Variants in DAPK2 observed in about 807,000 individuals in gnomAD.
DAPK2 encodes the protein death-associated protein kinase 2.
A neutral mutation model predicts 44.1 loss-of-function variants in DAPK2; 35 were observed. The observed-to-expected ratio is 0.79, with a 90% CI of 0.61 to 1.05. The LOEUF (loss-of-function observed/expected upper bound fraction) is 1.05, where lower values mean the gene tolerates loss of function less well. Among genes scored for constraint, DAPK2 ranks in the 50% least tolerant of loss-of-function variants. The probability of loss-of-function intolerance (pLI) is 0.00; values close to 1 mark genes in which losing one functional copy is unlikely to be tolerated. For missense variants in DAPK2, 453 were observed against 483.2 expected, an observed-to-expected ratio of 0.94 and a Z score of 0.59; for synonymous variants, 174 against 182.6, an observed-to-expected ratio of 0.95 and a Z score of 0.38.
At chr15:64,005,705 G>C (rs1027831090) in intron 1 of DAPK2, among the ~76,000 whole-genome samples, 2 of 152,064 alleles carry the variant, frequency 1.3e-5, no homozygotes, top group African/African-American at 4.8e-5. Flanking sequence ...GACTAGATCT[G>C]GGAGAAGAAC....
intron 1 of DAPK2, among the ~76,000 whole-genome samples, chr15:63,986,875 T>G (rs1262517037): frequency 7.2e-6 from 1 of 139,480 alleles, no homozygotes; most frequent in Non-Finnish European, 1.6e-5. Flanking sequence ...AACAGCTTTC[T>G]GATTATCTCC....
At chr15:64,002,941 T>TC (rs2079122645) in intron 1 of DAPK2, among the ~76,000 whole-genome samples, 1 of 132,752 alleles carries the variant, frequency 7.5e-6, no homozygotes, top group Non-Finnish European at 1.6e-5. Flanking sequence ...TGTGTGTGTG[T>TC]GTGTGTGTGT....
intron 6 of DAPK2, among the ~76,000 whole-genome samples, chr15:63,929,007 T>C (rs2079414292): frequency 6.6e-6 from 1 of 151,986 alleles, no homozygotes; most frequent in Non-Finnish European, 1.5e-5. Context: ...TCAAGACCAG[T>C]CTGGCCAACA....
chr15:63,922,633 A>T (rs563664932), intron 8 of DAPK2: 1 of 1,436,792 alleles, frequency 7.0e-7, no homozygotes, highest in East Asian at 2.5e-5. Flanking sequence ...TACTACAGAC[A>T]CACACCCCTG....
At chr15:64,000,662 T>TG (rs901778335) in intron 1 of DAPK2, among the ~76,000 whole-genome samples, 3 of 151,864 alleles carry the variant, frequency 2.0e-5, no homozygotes, top group Non-Finnish European at 4.4e-5. Context: ...GGCATGATGC[T>TG]GGGGGTGGGG....
chr15:63,922,125 T>C (rs1286485822), intron 8 of DAPK2: 5 of 219,472 alleles, frequency 2.3e-5, no homozygotes, highest in Non-Finnish European at 3.1e-5. Flanking sequence ...GTCAATTTTC[T>C]CATCAGTTAC....
chr15:64,003,619 T>C (rs1282550669), intron 1 of DAPK2, among the ~76,000 whole-genome samples: 1 of 152,206 alleles, frequency 6.6e-6, no homozygotes, highest in Non-Finnish European at 1.5e-5. Flanking sequence ...ACTTTTCTTT[T>C]CCTTCTGACA....
At chr15:63,972,758 T>A (rs990344624) in intron 2 of DAPK2, among the ~76,000 whole-genome samples, 1 of 152,182 alleles carries the variant, frequency 6.6e-6, no homozygotes, top group Admixed American at 6.5e-5. Context: ...GACAAAATTG[T>A]TACTCAAAGG....
chr15:64,003,747 T>C (rs539712437), intron 1 of DAPK2, among the ~76,000 whole-genome samples: 9 of 152,138 alleles, frequency 5.9e-5, no homozygotes, highest in Non-Finnish European at 1.2e-4. Flanking sequence ...CTGGGATTAC[T>C]GGTGTGTGCC....
intron 2 of DAPK2, among the ~76,000 whole-genome samples, chr15:63,973,663 G>A (rs1239842342): frequency 6.6e-6 from 1 of 152,190 alleles, no homozygotes; most frequent in Non-Finnish European, 1.5e-5. Context: ...CTTTGGAGTT[G>A]ATGCTGGAAT....
chr15:64,038,584 T>A lies in DAPK2; in HGVS notation c.92+1586A>T, dbSNP rs433437. ...ATTTGCTCCCCCACCCACCATCCAG[T>A]CAGCCAGGACTAACTCCCTGATCTT... On this transcript the variant is annotated intron_variant, in intron 1 of 10. Coordinates refer to ENST00000261891, the Ensembl canonical transcript of DAPK2. 2.1e-3 allele frequency among the ~76,000 whole-genome samples: 320 copies of A among 152,038 alleles called. 2 individuals are homozygous for A. The highest frequency in any genetic ancestry group is 7.4e-3 in the African/African-American group (308 of 41,442).
At chr15:63,963,193 A>G (rs1343708708) in intron 3 of DAPK2, among the ~76,000 whole-genome samples, 1 of 152,122 alleles carries the variant, frequency 6.6e-6, no homozygotes, top group Non-Finnish European at 1.5e-5. Context: ...TGCTAAGGCC[A>G]TTGGAAAAGC....
At position 63,912,475 on chromosome 15, in the gene DAPK2, G is replaced by T. The variant is rs367871582; in HGVS notation, c.859-278C>A. ...CAGCTCCTGAAGGGGAATAGCAGGA[G>T]GCAGGCCCTCCAATCGCACATCACT... On this transcript the variant is annotated intron_variant, in intron 8 of 10. Coordinates refer to ENST00000261891, the Ensembl canonical transcript of DAPK2. The surrounding 1 kb of genome is among the most constrained non-coding windows in gnomAD (Gnocchi z 4.4). Among the ~76,000 whole-genome samples the T allele has an allele frequency of 2.0e-5, 3 of 152,246 alleles. No homozygotes were observed. Among genetic ancestry groups the T allele is most frequent in the African/African-American group, 4.8e-5 (2 of 41,466 alleles).
chr15:63,923,161 A>G lies in DAPK2; in HGVS notation c.858+1655T>C. On this transcript the variant is annotated intron_variant, in intron 8 of 10. Coordinates refer to ENST00000261891, the Ensembl canonical transcript of DAPK2. This position sits in a 1 kb window ranked among gnomAD's most constrained non-coding sequence, Gnocchi z 4.2. ...TGGTATCGTGGGCCTCCACCAGGGC[A>G]CGGCATCCCAGGTCGACCCGAGCCA... 6.5e-7 allele frequency: 1 copy of G among 1,535,776 alleles called. No homozygotes were observed.
At position 63,908,035 on chromosome 15, in the gene DAPK2, G is replaced by C. The variant is rs2078695724; in HGVS notation, c.*485C>G. 1 of 152,576 alleles carries C rather than the reference G, an allele frequency of 6.6e-6. No individual in the cohort carries two copies. Among genetic ancestry groups the C allele is most frequent in the Non-Finnish European group, 1.5e-5 (1 of 68,282 alleles). 9.5% of individuals were successfully genotyped at this position (152,576 alleles called of 1,614,324 possible). ...GTCAGCCTGACGTCCTGGCTTCCAT[G>C]GTTCTGGGAGGTCACAGGATTGGTC... On this transcript the variant is annotated 3_prime_UTR_variant, in exon 11 of 11. Transcript: ENST00000261891. This position sits in a 1 kb window ranked among gnomAD's most constrained non-coding sequence, Gnocchi z 5.7.
At chr15:64,016,760 T>C (rs1409274523) in intron 1 of DAPK2, among the ~76,000 whole-genome samples, 2 of 150,912 alleles carry the variant, frequency 1.3e-5, no homozygotes, top group Non-Finnish European at 2.9e-5. Context: ...GCTACTGAGT[T>C]CTAGTCTGGG....
chr15:63,983,760 G>C lies in DAPK2; in HGVS notation c.93-6C>G. On this transcript the variant is annotated splice_region_variant and splice_polypyrimidine_tract_variant and intron_variant, in intron 1 of 10. Coordinates refer to ENST00000261891, the Ensembl canonical transcript of DAPK2. ...TCACGATGGCAAACTGGCCACTGTG[G>C]GGACACAGACCCACAAGATTAGGTC... is the stretch of plus-strand genomic sequence containing the variant. 4 of 1,609,296 alleles carry C rather than the reference G, an allele frequency of 2.5e-6. No individual in the cohort carries two copies. The highest frequency in any genetic ancestry group is 3.4e-6 in the Non-Finnish European group (4 of 1,179,696).
At chr15:64,011,862 A>T (rs1249060556) in intron 1 of DAPK2, among the ~76,000 whole-genome samples, 1 of 152,202 alleles carries the variant, frequency 6.6e-6, no homozygotes, top group Non-Finnish European at 1.5e-5. Flanking sequence ...TCCAGTTTGC[A>T]CATGCTTTAC....
chr15:63,965,522 C>G (rs2078030260), intron 3 of DAPK2, among the ~76,000 whole-genome samples: 3 of 152,230 alleles, frequency 2.0e-5, no homozygotes, highest in Non-Finnish European at 4.4e-5. Context: ...GCCAGCCAGG[C>G]TTGTGTCCTT....
Sources: gnomAD v4.1 joint callset for allele counts (sites outside exome capture counted in the v4.1 genomes callset) on GRCh38, gnomAD v4.1.1 for gene constraint, Gnocchi (gnomAD v3.1) non-coding constraint, MANE v1.5 for transcripts, NCBI Gene and HGNC (gene_info 2026-07-23, HGNC 2026-07-21) for gene names.